The following CD8B variants were observed in gnomAD, a reference collection of about 807,000 sequenced individuals.
CD8B encodes the protein CD8 subunit beta, also known as T-cell surface glycoprotein CD8 beta chain.
A neutral mutation model predicts 24.2 loss-of-function variants in CD8B; 6 were observed. The observed-to-expected ratio is 0.25, with a 90% CI of 0.14 to 0.49. The LOEUF (loss-of-function observed/expected upper bound fraction) is 0.49, where lower values mean the gene tolerates loss of function less well. CD8B is among the 20% of genes least tolerant of loss of function. CD8B has a pLI of 0.98. For missense variants in CD8B, 196 were observed against 271.3 expected (o/e 0.72, Z 1.95); for synonymous variants, 84 against 108.3 (o/e 0.78, Z 1.39).
chr2:86,849,893 G>A (rs555965017), intron 3 of CD8B, among the ~76,000 whole-genome samples: 4 of 152,044 alleles, frequency 2.6e-5, no homozygotes, highest in African/African-American at 7.2e-5. Context: ...TAGTGGAGAC[G>A]GGGTTTCGCC....
chr2:86,829,095 CT>C (rs746569858), intron 5 of CD8B, among the ~76,000 whole-genome samples: 846 of 82,956 alleles, frequency 0.01, 7 homozygotes, highest in African/African-American at 0.034. Flanking sequence ...ATGCTCTTTA[CT>C]TTTTTTTTTT....
intron 5 of CD8B, chr2:86,844,475 T>A (rs1373358296): frequency 5.4e-6 from 1 of 186,184 alleles, no homozygotes; most frequent in Non-Finnish European, 1.0e-5. Flanking sequence ...AAATAACGGA[T>A]GGGATGAGTT....
At chr2:86,833,629 C>CTCCT (rs1459641072), downstream of CD8B, among the ~76,000 whole-genome samples, 5 of 116,892 alleles carry the variant, frequency 4.3e-5, no homozygotes, top group African/African-American at 6.0e-5. Context: ...TTTTCCCTCC[C>CTCCT]TCCCTCCCTC....
chr2:86,852,974 G>T lies in CD8B; in HGVS notation c.493+23C>A, dbSNP rs918650908. 23 of 1,486,940 alleles carry T rather than the reference G, an allele frequency of 1.5e-5. No homozygotes were observed. The African/African-American group carries it at 2.4e-4, about 16-fold the overall frequency. 92.1% of individuals were successfully genotyped at this position (1,486,940 alleles called of 1,614,324 possible). A position where few individuals can be genotyped will look rare whatever the true frequency, so the allele number is the denominator to read the frequency against. ...GGGGATGTCTGCCTTGTTTCTGAGG[G>T]TGCAGAGGGATAGGGAACTCACCCT... On this transcript the variant is annotated intron_variant, in intron 3 of 5. Transcript: ENST00000390655.
chr2:86,818,974 G>C (rs1013936684), intron 5 of CD8B, among the ~76,000 whole-genome samples: 1 of 152,182 alleles, frequency 6.6e-6, no homozygotes, highest in Non-Finnish European at 1.5e-5. Context: ...CCTTATTGCT[G>C]ATATGGAGAG....
intron 3 of CD8B, 35 bp from the exon 4 acceptor site, chr2:86,846,808 G>C (rs1274393302): frequency 6.9e-7 from 1 of 1,454,128 alleles, no homozygotes; most frequent in Non-Finnish European, 9.5e-7. Context: ...GTTCAACACG[G>C]AACATTTTTC....
At chr2:86,846,103 T>C (rs1386481949) in intron 4 of CD8B, among the ~76,000 whole-genome samples, 2 of 152,196 alleles carry the variant, frequency 1.3e-5, no homozygotes, top group African/African-American at 4.8e-5. Flanking sequence ...CCCGTCTTTC[T>C]TGTGAACCCA....
intron 2 of CD8B, among the ~76,000 whole-genome samples, chr2:86,855,624 T>C (rs142314749): frequency 6.6e-6 from 1 of 152,236 alleles, no homozygotes; most frequent in African/African-American, 2.4e-5. Context: ...ATCATAGTGC[T>C]GAGGGCAACT....
At position 86,841,919 on chromosome 2, in the gene CD8B, G is replaced by C; in HGVS notation, c.*388C>G. ...GCCAGCCCAGCATCACCCCATGAAAGACCCAGGACCCAATGTTACTGCCCT... is the reference window on the plus strand; with the variant it reads ...GCCAGCCCAGCATCACCCCATGAAACACCCAGGACCCAATGTTACTGCCCT... On this transcript the variant is annotated 3_prime_UTR_variant, in exon 6 of 6. Coordinates refer to ENST00000390655, the MANE Select transcript of CD8B (RefSeq NM_004931.5). 2 of 998,162 alleles carry C rather than the reference G, an allele frequency of 2.0e-6. No individual in the cohort carries two copies. The highest frequency in any genetic ancestry group is 2.4e-6 in the Non-Finnish European group (2 of 838,582). 61.8% of individuals were successfully genotyped at this position (998,162 alleles called of 1,614,324 possible). A position where few individuals can be genotyped will look rare whatever the true frequency, so the allele number is the denominator to read the frequency against.
chr2:86,823,730 G>A (rs1161673099), intron 5 of CD8B, among the ~76,000 whole-genome samples: 1 of 152,188 alleles, frequency 6.6e-6, no homozygotes, highest in African/African-American at 2.4e-5. Context: ...TTTAAGAAAC[G>A]CTCAAGAAGC....
chr2:86,823,541 A>T (rs973745397), intron 5 of CD8B, among the ~76,000 whole-genome samples: 4 of 152,132 alleles, frequency 2.6e-5, no homozygotes, highest in African/African-American at 9.7e-5. Context: ...CAGCCTTTCA[A>T]AGTGCTGAGA....
chr2:86,818,278 A>C (rs1421065010), intron 5 of CD8B, among the ~76,000 whole-genome samples: 1 of 152,196 alleles, frequency 6.6e-6, no homozygotes, highest in Non-Finnish European at 1.5e-5. Context: ...ACTGTATGTA[A>C]TGAGTACCTG....
chr2:86,860,185 G>T (rs1225425014), intron 1 of CD8B, among the ~76,000 whole-genome samples: 1 of 152,292 alleles, frequency 6.6e-6, no homozygotes, highest in Non-Finnish European at 1.5e-5. Flanking sequence ...CAGGAGAATC[G>T]CTTGAACCCG....
In CD8B at chr2:86,848,246, G is replaced by A. The variant is rs1675783918; in HGVS notation, c.494-1473C>T. 2.6e-5 allele frequency among the ~76,000 whole-genome samples: 4 copies of A among 152,282 alleles called. No homozygotes were observed. The South Asian group carries it at 8.3e-4, about 32-fold the overall frequency. On this transcript the variant is annotated intron_variant, in intron 3 of 5. Coordinates refer to ENST00000390655, the MANE Select transcript of CD8B (RefSeq NM_004931.5). ...TGACTTCCGTCCCCACCCACCAATA[G>A]TGCACCTTGCTGACCCTTGATATCA...
chr2:86,835,076 T>C (rs1196207010), downstream of CD8B, among the ~76,000 whole-genome samples: 2 of 152,186 alleles, frequency 1.3e-5, no homozygotes, highest in African/African-American at 4.8e-5. Flanking sequence ...CCTCTCCCAC[T>C]GATAAGCTCC....
At chr2:86,846,964 G>A (rs1573515602) in intron 3 of CD8B, among the ~76,000 whole-genome samples, 191 bp from the exon 4 acceptor site, 1 of 108,866 alleles carries the variant, frequency 9.2e-6, no homozygotes, top group South Asian at 3.3e-4. Context: ...TTGAGACAGA[G>A]TCTTGCTCTG....
At chr2:86,823,860 C>G (rs887157427) in intron 5 of CD8B, among the ~76,000 whole-genome samples, 15 of 152,142 alleles carry the variant, frequency 9.9e-5, no homozygotes, top group African/African-American at 3.6e-4. Context: ...CGCCCCAGGG[C>G]CTCCTGGACA....
intron 5 of CD8B, among the ~76,000 whole-genome samples, chr2:86,831,741 C>T (rs1573497470): frequency 6.6e-6 from 1 of 152,124 alleles, no homozygotes; most frequent in Non-Finnish European, 1.5e-5. Context: ...CCCAGGGAGA[C>T]ACGGGTGGTC....
chr2:86,857,091 A>T, intron 2 of CD8B, among the ~76,000 whole-genome samples: 1 of 152,044 alleles, frequency 6.6e-6, no homozygotes, highest in Non-Finnish European at 1.5e-5. Context: ...CATGGAGGCC[A>T]TCAGCACCCC....
Sources: gnomAD v4.1 joint callset for allele counts (sites outside exome capture counted in the v4.1 genomes callset) on GRCh38, gnomAD v4.1.1 for gene constraint, MANE v1.5 for transcripts, NCBI Gene and HGNC (gene_info 2026-07-23, HGNC 2026-07-21) for gene names.